The following LNX1 variants were observed in gnomAD, a reference collection of about 807,000 sequenced individuals.
LNX1 encodes the protein ligand of numb-protein X 1.
A neutral mutation model predicts 68.4 loss-of-function variants in LNX1; 54 were observed. The ratio of observed to expected loss-of-function variants is 0.79; its 90% CI spans 0.63 to 0.99. LNX1 has a LOEUF of 0.99. Among genes scored for constraint, LNX1 ranks in the 50% least tolerant of loss-of-function variants. The probability of loss-of-function intolerance (pLI) is 0.00; values close to 1 mark genes in which losing one functional copy is unlikely to be tolerated. For missense variants in LNX1, 906 were observed against 926.4 expected, an observed-to-expected ratio of 0.98 and a Z score of 0.29; for synonymous variants, 336 against 350.0, an observed-to-expected ratio of 0.96 and a Z score of 0.45.
rs375252438 is a variant in LNX1 at position 53,633,827 on chromosome 4, G to A, written c.-215+18341C>T. ...TTACAGCCTCAGCCACAAACCAGCT[G>A]TGGGACTTTGGGGAGATTGCATAAC... On this transcript the variant is annotated intron_variant, in intron 1 of 2. Transcript: ENST00000507168. 3.8e-4 allele frequency among the ~76,000 whole-genome samples: 58 copies of A among 152,300 alleles called. 3 individuals carry two copies. In the South Asian group the frequency reaches 0.011, roughly 29 times the overall value.
At chr4:53,569,909 A>G (rs1206285080) in intron 2 of LNX1, among the ~76,000 whole-genome samples, 1 of 151,220 alleles carries the variant, frequency 6.6e-6, no homozygotes. Context: ...AAACACATGA[A>G]AAAATGCTCA....
At chr4:53,554,057 G>A (rs1577704969) in intron 2 of LNX1, among the ~76,000 whole-genome samples, 1 of 152,352 alleles carries the variant, frequency 6.6e-6, no homozygotes, top group East Asian at 1.9e-4. Context: ...GGCTGTATAG[G>A]AGACGGATGA....
Position 53,476,754 on chromosome 4 carries a change from G to A in LNX1, c.1891C>T (p.Arg631Trp), listed in dbSNP as rs199817409. 19 of 1,611,998 alleles carry A rather than the reference G, an allele frequency of 1.2e-5. No individual in the cohort carries two copies. The highest frequency in any genetic ancestry group is 3.3e-5 in the Admixed American group (2 of 60,018). Residue 631 changes from arginine to tryptophan, a missense_variant and splice_region_variant, in exon 9 of 11, where the codon CGG (arginine) becomes TGG (tryptophan). Coordinates refer to ENST00000263925, the MANE Select transcript of LNX1 (RefSeq NM_001126328.3). ...CAGGGATGTTGTGTTTGGACTTACCGTGGTAATTCCAGCCACATGACCCAG... is the reference window on the plus strand; with the variant it reads ...CAGGGATGTTGTGTTTGGACTTACCATGGTAATTCCAGCCACATGACCCAG... ...PSWVMWLELP[R>W]CLYNCKDIVL...
intron 1 of LNX1, among the ~76,000 whole-genome samples, chr4:53,631,790 A>C (rs1325901013): frequency 1.3e-5 from 2 of 152,106 alleles, no homozygotes; most frequent in Admixed American, 1.3e-4. Context: ...GGCTGCAAAC[A>C]GTCACCCCAG....
intron 2 of LNX1, among the ~76,000 whole-genome samples, chr4:53,555,118 C>T (rs1729814098): frequency 6.6e-6 from 1 of 152,124 alleles, no homozygotes; most frequent in South Asian, 2.1e-4. Context: ...CCCAGCAGAT[C>T]CCCCAAGCTC....
intron 2 of LNX1, among the ~76,000 whole-genome samples, chr4:53,509,057 G>A (rs1726132713): frequency 6.6e-6 from 1 of 152,252 alleles, no homozygotes; most frequent in African/African-American, 2.4e-5. Flanking sequence ...CAAGGTTGGA[G>A]CTGATCTAGG....
intron 9 of LNX1, among the ~76,000 whole-genome samples, chr4:53,469,978 C>G (rs1723028614): frequency 6.6e-6 from 1 of 152,192 alleles, no homozygotes; most frequent in Admixed American, 6.5e-5. Context: ...GGAATCCTCC[C>G]TAACTCATTT....
chr4:53,474,279 G>A (rs748173314), intron 9 of LNX1, among the ~76,000 whole-genome samples: 4 of 152,202 alleles, frequency 2.6e-5, no homozygotes, highest in African/African-American at 4.8e-5. Flanking sequence ...GTGTGTATGT[G>A]TGTGTATACA....
intron 6 of LNX1, among the ~76,000 whole-genome samples, chr4:53,492,243 G>C (rs1724733053): frequency 6.6e-6 from 1 of 152,170 alleles, no homozygotes; most frequent in Non-Finnish European, 1.5e-5. Flanking sequence ...AGACCTGAAT[G>C]AACTGTGGGA....
upstream of LNX1, chr4:53,593,094 T>C (rs1732588455): frequency 6.6e-6 from 1 of 152,250 alleles, no homozygotes; most frequent in Non-Finnish European, 1.5e-5. Flanking sequence ...TATTCCTTTA[T>C]TATTTAAAAG....
chr4:53,564,225 T>C (rs913232325), intron 2 of LNX1, among the ~76,000 whole-genome samples: 2 of 152,204 alleles, frequency 1.3e-5, no homozygotes, highest in African/African-American at 4.8e-5. Context: ...ACGGGCTGCA[T>C]GGGCTAAGGG....
intron 2 of LNX1, among the ~76,000 whole-genome samples, chr4:53,523,425 T>C (rs1577657941): frequency 6.6e-6 from 1 of 152,220 alleles, no homozygotes. Context: ...TAGTTGGGAC[T>C]ACAGGCGTGC....
rs17083195 is a variant in LNX1 at position 53,616,304 on chromosome 4, C to T, written c.-215+213G>A. Reference sequence around the variant, plus strand: ...ACAAATAACTCCTATATACCATACACTTAAAAGCTCATAGGAGACAAAAGT... The same window carrying T: ...ACAAATAACTCCTATATACCATACATTTAAAAGCTCATAGGAGACAAAAGT... On this transcript the variant is annotated intron_variant, in intron 2 of 3. Coordinates refer to the LNX1 transcript ENST00000504299. 9.2e-3 allele frequency among the ~76,000 whole-genome samples: 1,407 copies of T among 152,320 alleles called. 13 individuals carry two copies. The highest frequency in any genetic ancestry group is 0.032 in the African/African-American group (1,321 of 41,568).
chr4:53,641,518 A>G (rs1360351069), intron 1 of LNX1, among the ~76,000 whole-genome samples: 4 of 152,222 alleles, frequency 2.6e-5, no homozygotes. Context: ...CCTAACGACC[A>G]TGCCTCTGTT....
Position 53,567,915 on chromosome 4 carries a change from T to C in LNX1, c.380+5708A>G, listed in dbSNP as rs4864473. On this transcript the variant is annotated intron_variant, in intron 2 of 10. Coordinates refer to ENST00000263925, the MANE Select transcript of LNX1 (RefSeq NM_001126328.3). The stretch of plus-strand genomic sequence containing the variant: ...ATCTAGAAGAAATGGATAAATTCCT[T>C]GACACATACACTCTCCCAAGACTAA... Among the ~76,000 whole-genome samples the C allele has an allele frequency of 7.2e-3, 1,084 of 150,794 alleles. 4 individuals are homozygous for C. Among genetic ancestry groups the C allele is most frequent in the African/African-American group, 0.025 (999 of 40,238 alleles).
intron 2 of LNX1, among the ~76,000 whole-genome samples, chr4:53,511,450 A>G (rs2117596): frequency 0.96 from 146,086 of 152,198 alleles, 70,400 homozygotes; most frequent in East Asian, 1. Context: ...GTACTCTCAG[A>G]TGGTGATGGG....
intron 5 of LNX1, among the ~76,000 whole-genome samples, chr4:53,497,269 A>G (rs1725133422): frequency 6.6e-6 from 1 of 152,178 alleles, no homozygotes; most frequent in Non-Finnish European, 1.5e-5. Flanking sequence ...GGAAGAAAAC[A>G]ATTTCGCAGC....
At chr4:53,594,392 C>A (rs1304136479), upstream of LNX1, among the ~76,000 whole-genome samples, 2 of 152,006 alleles carry the variant, frequency 1.3e-5, no homozygotes, top group Non-Finnish European at 2.9e-5. Context: ...ACTTTAAAAT[C>A]TGAAAATTTA....
intron 1 of LNX1, among the ~76,000 whole-genome samples, chr4:53,636,779 T>C (rs1017838920): frequency 1.3e-5 from 2 of 152,136 alleles, no homozygotes; most frequent in Non-Finnish European, 2.9e-5. Flanking sequence ...TTCCATCCTA[T>C]GTCCATATTT....
Sources: allele counts gnomAD v4.1 joint callset (sites outside exome capture counted in the v4.1 genomes callset), GRCh38; gene constraint gnomAD v4.1.1; transcripts MANE v1.5; gene names NCBI Gene and HGNC (gene_info 2026-07-23, HGNC 2026-07-21).